PRKN: variants seen among roughly 807,000 people sequenced by gnomAD.
PRKN encodes the protein parkin RBR E3 ubiquitin protein ligase, also known as E3 ubiquitin-protein ligase parkin.
A neutral mutation model predicts 59.5 loss-of-function variants in PRKN; 56 were observed. The ratio of observed to expected loss-of-function variants is 0.94; its 90% CI spans 0.76 to 1.18. The LOEUF is 1.18. Among genes scored for constraint, PRKN ranks in the 50% most tolerant of loss-of-function variants. PRKN has a pLI of 0.00. For synonymous variants in PRKN, 250 were observed against 222.1 expected (o/e 1.13, Z -1.12); for missense variants, 657 against 596.4 (o/e 1.10, Z -1.06).
At chr6:162,244,717 T>C (rs1257234490) in intron 3 of PRKN, among the ~76,000 whole-genome samples, 1 of 152,126 alleles carries the variant, frequency 6.6e-6, no homozygotes, top group Non-Finnish European at 1.5e-5. Context: ...TCAGGGTATA[T>C]GGAATTAATG....
intron 1 of PRKN, among the ~76,000 whole-genome samples, chr6:162,503,941 A>G (rs1793494401): frequency 6.6e-6 from 1 of 152,234 alleles, no homozygotes; most frequent in South Asian, 2.1e-4. Context: ...TTTTTAGATG[A>G]CAAAAAGAGC....
chr6:162,534,975 C>T (rs1334532847), intron 1 of PRKN, among the ~76,000 whole-genome samples: 3 of 152,024 alleles, frequency 2.0e-5, no homozygotes, highest in African/African-American at 7.3e-5. Context: ...GTCTTCCTTC[C>T]CCAGTTCTCT....
intron 5 of PRKN, among the ~76,000 whole-genome samples, chr6:161,982,224 A>G (rs1781285767): frequency 6.7e-6 from 1 of 150,082 alleles, no homozygotes; most frequent in Non-Finnish European, 1.5e-5. Flanking sequence ...GTAAAATAAA[A>G]GGTTTGCCCA....
chr6:162,214,521 C>A (rs1026022406), intron 3 of PRKN, among the ~76,000 whole-genome samples: 1 of 152,140 alleles, frequency 6.6e-6, no homozygotes, highest in African/African-American at 2.4e-5. Context: ...TTTAAACAGC[C>A]AGTTCTGTCC....
chr6:162,641,097 A>C (rs1300395324), intron 1 of PRKN, among the ~76,000 whole-genome samples: 1 of 152,184 alleles, frequency 6.6e-6, no homozygotes, highest in Non-Finnish European at 1.5e-5. Context: ...TGTACACTCT[A>C]TAAAATATTT....
chr6:162,070,301 G>T (rs554635848), intron 4 of PRKN, among the ~76,000 whole-genome samples: 5 of 152,168 alleles, frequency 3.3e-5, no homozygotes, highest in South Asian at 4.1e-4. Context: ...TCAAAACAAG[G>T]ATCTTCCCTC....
intron 1 of PRKN, among the ~76,000 whole-genome samples, chr6:162,641,784 G>A (rs2128224655): frequency 6.6e-6 from 1 of 152,222 alleles, no homozygotes; most frequent in Middle Eastern, 3.4e-3. Context: ...TTAATGTGAA[G>A]TTTGGCAGTA....
At chr6:161,872,125 GACAA>G (rs760363343) in intron 6 of PRKN, among the ~76,000 whole-genome samples, 61 of 152,120 alleles carry the variant, frequency 4.0e-4, no homozygotes, top group Non-Finnish European at 7.5e-4. Context: ...AGAATAAATA[GACAA>G]ACAAGTGCGA....
At chr6:162,310,918 A>G (rs1194474447) in intron 2 of PRKN, among the ~76,000 whole-genome samples, 4 of 152,068 alleles carry the variant, frequency 2.6e-5, no homozygotes, top group Non-Finnish European at 5.9e-5. Context: ...CCATATTATT[A>G]CATAATTATT....
intron 6 of PRKN, among the ~76,000 whole-genome samples, chr6:161,831,592 T>G (rs1029042954): frequency 2.0e-5 from 3 of 152,238 alleles, no homozygotes; most frequent in African/African-American, 7.2e-5. Flanking sequence ...GAGGGAGCAC[T>G]GGTTCTGTGC....
At chr6:161,528,936 G>A (rs1039454449) in intron 9 of PRKN, among the ~76,000 whole-genome samples, 2 of 152,170 alleles carry the variant, frequency 1.3e-5, no homozygotes, top group African/African-American at 2.4e-5. Flanking sequence ...ACCAAGGGTC[G>A]AAGAAGTAAA....
Position 161,605,645 on chromosome 6 carries a change from G to A in PRKN, c.872-36229C>T, listed in dbSNP as rs548646082. 1.3e-4 allele frequency among the ~76,000 whole-genome samples: 20 copies of A among 152,098 alleles called. No homozygotes were observed. In the South Asian group the frequency reaches 3.5e-3, roughly 27 times the overall value. ...TCCTGCCTCAGCCTCCCAAGTAGCT[G>A]GGATTACAGACACGTGCCACCACGC... On this transcript the variant is annotated intron_variant, in intron 7 of 11. Transcript: ENST00000366898.
At chr6:162,410,941 G>A (rs1278218449) in intron 2 of PRKN, among the ~76,000 whole-genome samples, 1 of 152,182 alleles carries the variant, frequency 6.6e-6, no homozygotes, top group Non-Finnish European at 1.5e-5. Flanking sequence ...GTTGAATGGA[G>A]CAAAGTTGAA....
At chr6:162,562,708 C>A (rs571847639) in intron 1 of PRKN, among the ~76,000 whole-genome samples, 5 of 152,150 alleles carry the variant, frequency 3.3e-5, no homozygotes, top group Non-Finnish European at 5.9e-5. Context: ...ACTTTTGACT[C>A]TAGTTCCTGA....
Position 161,460,236 on chromosome 6 carries a change from A to G in PRKN, c.1084-73359T>C, listed in dbSNP as rs1361746079. On this transcript the variant is annotated intron_variant, in intron 9 of 11. Coordinates refer to ENST00000366898, the MANE Select transcript of PRKN (RefSeq NM_004562.3). The surrounding 1 kb of genome is among the most constrained non-coding windows in gnomAD (Gnocchi z 5.0). Reference sequence around the variant, plus strand: ...TTAGGATGTCACAGAGGTTGCAACAAAAGATTATTTTATTTAATTCTTGTT... The same window carrying G: ...TTAGGATGTCACAGAGGTTGCAACAGAAGATTATTTTATTTAATTCTTGTT... Among the ~76,000 whole-genome samples the G allele has an allele frequency of 2.0e-5, 3 of 152,198 alleles. No individual in the cohort carries two copies. The highest frequency in any genetic ancestry group is 4.8e-5 in the African/African-American group (2 of 41,452).
At chr6:161,515,742 C>T (rs756466489) in intron 9 of PRKN, among the ~76,000 whole-genome samples, 7 of 152,200 alleles carry the variant, frequency 4.6e-5, no homozygotes, top group Non-Finnish European at 8.8e-5. Flanking sequence ...CATCCACTTT[C>T]CAGTGGGTTA....
Position 161,588,912 on chromosome 6 carries a change from G to A in PRKN, c.872-19496C>T, listed in dbSNP as rs1781615573. On this transcript the variant is annotated intron_variant, in intron 7 of 11. Transcript: ENST00000366898. This position sits in a 1 kb window ranked among gnomAD's most constrained non-coding sequence, Gnocchi z 5.0. Reference sequence around the variant, plus strand: ...TTTTTTTTAGCCTAAGCCTGACCCAGATATTTTTGTTAACCTGAAATGCAA... The same window carrying A: ...TTTTTTTTAGCCTAAGCCTGACCCAAATATTTTTGTTAACCTGAAATGCAA... Among the ~76,000 whole-genome samples, 1 of 152,088 alleles carries A rather than the reference G, an allele frequency of 6.6e-6. No homozygotes were observed. Among genetic ancestry groups the A allele is most frequent in the South Asian group, 2.1e-4 (1 of 4,822 alleles).
At chr6:162,020,249 A>G (rs1054093184) in intron 5 of PRKN, among the ~76,000 whole-genome samples, 5 of 144,420 alleles carry the variant, frequency 3.5e-5, no homozygotes, top group South Asian at 4.7e-4. Flanking sequence ...TCTGACTTGC[A>G]GTAAACATGG....
chr6:162,651,726 G>A (rs767879871), intron 1 of PRKN, among the ~76,000 whole-genome samples: 2 of 152,200 alleles, frequency 1.3e-5, no homozygotes, highest in Non-Finnish European at 2.9e-5. Context: ...TGGATTTAGA[G>A]AGTGCTCTAA....
Sources: allele counts gnomAD v4.1 joint callset (sites outside exome capture counted in the v4.1 genomes callset), GRCh38; gene constraint gnomAD v4.1.1; non-coding constraint Gnocchi (gnomAD v3.1); transcripts MANE v1.5; gene names NCBI Gene and HGNC (gene_info 2026-07-23, HGNC 2026-07-21).